Variants in DENND4B observed in about 807,000 individuals in gnomAD.
The protein encoded by DENND4B is DENN domain containing 4B.
In DENND4B, 67 loss-of-function variants were observed where a neutral mutation model predicts 161.0. That is an observed-to-expected ratio of 0.42 (90% CI 0.34 to 0.51). DENND4B has a LOEUF of 0.51. DENND4B is among the 20% of genes least tolerant of loss of function. The probability of loss-of-function intolerance (pLI) is 0.08; values close to 1 mark genes in which losing one functional copy is unlikely to be tolerated. For missense variants in DENND4B, 1,481 were observed against 1,968.0 expected (o/e 0.75, Z 4.68); for synonymous variants, 753 against 813.8 (o/e 0.93, Z 1.27).
Position 153,936,184 on chromosome 1 carries a change from C to G in DENND4B, c.2444G>C (p.Cys815Ser). 1 of 1,604,612 alleles carries G rather than the reference C, an allele frequency of 6.2e-7. No homozygotes were observed. The highest frequency in any genetic ancestry group is 8.5e-7 in the Non-Finnish European group (1 of 1,175,632). Reference protein sequence around the residue: ...SGKVVLPDEVCYRVLMQLCSH... With the variant: ...SGKVVLPDEVSYRVLMQLCSH... ...GCAGAGCTGCATCAGTACCCGGTAA[C>G]ACACCTGGGCCAGGAGAGGCACAGG... Residue 815 changes from cysteine (C) to serine (S), a missense_variant, in exon 17 of 28, where the codon TGT becomes TCT. By Grantham distance (112) the Cys-to-Ser change is moderately radical (BLOSUM62 -1). This residue lies in a region of DENND4B where 806 missense variants were observed against 1,134.4 expected (regional missense o/e 0.71). Transcript: ENST00000361217. This position sits in a 1 kb window ranked among gnomAD's most constrained non-coding sequence, Gnocchi z 4.1.
rs1365759689 is a variant in DENND4B at position 153,940,532 on chromosome 1, G to A, written c.1401C>T (p.Ala467=). 1 of 1,613,620 alleles carries A rather than the reference G, an allele frequency of 6.2e-7. No individual in the cohort carries two copies. The highest frequency in any genetic ancestry group is 8.5e-7 in the Non-Finnish European group (1 of 1,179,730). The change falls in exon 10 of 28, where the codon GCC becomes GCT. Residue 467 remains alanine, a synonymous_variant. Transcript: ENST00000361217. This position sits in a 1 kb window ranked among gnomAD's most constrained non-coding sequence, Gnocchi z 5.6. The stretch of plus-strand genomic sequence containing the variant: ...GGATACCCACAATGAAGGGCACTGG[G>A]GCACTCAGCACATCTGCCAGCACCA... ...CPLVLADVLS[A]PVPFIVGIHS...
chr1:153,942,074 T>C lies in DENND4B; in HGVS notation c.850A>G (p.Arg284Gly). 6.2e-7 allele frequency: 1 copy of C among 1,612,810 alleles called. No individual in the cohort carries two copies. The highest frequency in any genetic ancestry group is 8.5e-7 in the Non-Finnish European group (1 of 1,179,480). The stretch of plus-strand genomic sequence containing the variant: ...GCCTGTCGCTCTGATAGCCTGGCCC[T>C]TGGGAACGCCTCGTAGAACTGCAGG... ...AALQFYEAFPRARLSERQARA... is the reference protein window; with the variant it reads ...AALQFYEAFPGARLSERQARA... The change falls in exon 6 of 28, where the codon AGG becomes GGG. Residue 284 changes from arginine (R) to glycine (G), a missense_variant. Arg to Gly is a moderately radical substitution (Grantham distance 125). Around this residue, in one of 3 missense-constraint regions of DENND4B, gnomAD observed 806 missense variants for 1,134.4 expected, o/e 0.71. Coordinates refer to ENST00000361217, the MANE Select transcript of DENND4B (RefSeq NM_014856.3). This position sits in a 1 kb window ranked among gnomAD's most constrained non-coding sequence, Gnocchi z 6.9.
chr1:153,943,390 AG>A (rs1679783329), intron 2 of DENND4B, among the ~76,000 whole-genome samples: 1 of 152,186 alleles, frequency 6.6e-6, no homozygotes, highest in Admixed American at 6.5e-5. Flanking sequence ...ATAAACACTA[AG>A]GGTCAGCTGG....
intron 1 of DENND4B, chr1:153,945,208 A>G: frequency 1.6e-6 from 2 of 1,283,480 alleles, no homozygotes; most frequent in Non-Finnish European, 2.0e-6. Flanking sequence ...AGAAGCTGGG[A>G]AAAAGCCTGG....
In DENND4B at chr1:153,944,260, G is replaced by C; in HGVS notation, c.115C>G (p.Arg39Gly). The part of the protein sequence containing the change: ...TWVPEPSGPL[R>G]PPRPAEPITD... ...ATGGGCTCAGCTGGCCGGGGAGGGC[G>C]CAGGGGCCCACTGGGTTCAGGAACC... The change falls in exon 2 of 28, where the codon CGC (arginine) becomes GGC (glycine). Residue 39 changes from arginine (R) to glycine (G), a missense_variant. By Grantham distance (125) the Arg-to-Gly change is moderately radical (BLOSUM62 -2). Transcript: ENST00000361217. This position sits in a 1 kb window ranked among gnomAD's most constrained non-coding sequence, Gnocchi z 4.8. The C allele has an allele frequency of 6.3e-7, 1 of 1,599,494 alleles. No homozygotes were observed. Among genetic ancestry groups the C allele is most frequent in the Non-Finnish European group, 8.5e-7 (1 of 1,172,146 alleles).
rs896136715 is a variant in DENND4B, at chr1:153,932,847, C to T, written c.3623+14G>A. 2 of 1,613,852 alleles carry T rather than the reference C, an allele frequency of 1.2e-6. No homozygotes were observed. The highest frequency in any genetic ancestry group is 2.7e-5 in the African/African-American group (2 of 75,058). Reference sequence around the variant, plus strand: ...CCCTATTCCCACCCACAGCACTTGCCCTGCCTTGGGCACCTGGGCCGGGAA... The same window carrying T: ...CCCTATTCCCACCCACAGCACTTGCTCTGCCTTGGGCACCTGGGCCGGGAA... On this transcript the variant is annotated intron_variant, in intron 22 of 27. Coordinates refer to ENST00000361217, the MANE Select transcript of DENND4B (RefSeq NM_014856.3). This position sits in a 1 kb window ranked among gnomAD's most constrained non-coding sequence, Gnocchi z 5.8.
chr1:153,935,072 C>G, intron 17 of DENND4B, 108 bp from the exon 18 acceptor site: 1 of 1,540,988 alleles, frequency 6.5e-7, no homozygotes, highest in African/African-American at 1.3e-5. Context: ...CTGCAGACAT[C>G]CTGTCTAGGA....
rs1259980387 is a variant in DENND4B at position 153,940,615 on chromosome 1, C to T, written c.1327-9G>A. 11 of 1,610,160 alleles carry T rather than the reference C, an allele frequency of 6.8e-6. No homozygotes were observed. The highest frequency in any genetic ancestry group is 9.3e-6 in the Non-Finnish European group (11 of 1,178,220). On this transcript the variant is annotated splice_polypyrimidine_tract_variant and intron_variant, in intron 9 of 27. Transcript: ENST00000361217. The surrounding 1 kb of genome is among the most constrained non-coding windows in gnomAD (Gnocchi z 5.6). ...TGCAGTGGGAAGATCATCTGAAGCA[C>T]CAGGCAGTGAGAACCAGTGAACAGG... is the stretch of plus-strand genomic sequence containing the variant.
At position 153,937,998 on chromosome 1, in the gene DENND4B, A is replaced by G. The variant is rs1296144497; in HGVS notation, c.1966-135T>C. On this transcript the variant is annotated intron_variant, in intron 13 of 27. Transcript: ENST00000361217. This position sits in a 1 kb window ranked among gnomAD's most constrained non-coding sequence, Gnocchi z 4.7. The stretch of plus-strand genomic sequence containing the variant: ...ACAGCCTGGGAAGATGGCGTCAGGA[A>G]CGGGAGGACAGTACATTACATGTAC... The G allele has an allele frequency of 9.5e-6, 12 of 1,268,580 alleles. No homozygotes were observed. The highest frequency in any genetic ancestry group is 2.0e-5 in the Admixed American group (1 of 49,972). The allele number at this position is 1,268,580 out of a possible 1,614,324, so 78.6% of individuals were successfully genotyped here.
Position 153,946,352 on chromosome 1 carries a change from G to T in DENND4B, c.-75C>A, listed in dbSNP as rs1228188051. The T allele has an allele frequency of 2.7e-6, 1 of 374,184 alleles. No homozygotes were observed. The highest frequency in any genetic ancestry group is 2.1e-5 in the African/African-American group (1 of 47,604). The allele number at this position is 374,184 out of a possible 1,614,324, so 23.2% of individuals were successfully genotyped here. A position where few individuals can be genotyped will look rare whatever the true frequency, so the allele number is the denominator to read the frequency against. ...CCCGCTGGCGGGTGGCTCGGAGGGC[G>T]AGCTGGCGGGCCGGCGGGCGGCGGG... On this transcript the variant is annotated 5_prime_UTR_variant, in exon 1 of 28. Transcript: ENST00000361217. This position sits in a 1 kb window ranked among gnomAD's most constrained non-coding sequence, Gnocchi z 6.3.
intron 17 of DENND4B, chr1:153,935,348 C>A (rs752703982): frequency 1.6e-5 from 3 of 188,362 alleles, no homozygotes; most frequent in Non-Finnish European, 3.3e-5. Flanking sequence ...TGCCCATATT[C>A]TTTTTTCTTT....
At chr1:153,935,062 C>T (rs900057042) in intron 17 of DENND4B, 98 bp from the exon 18 acceptor site, 82 of 1,550,022 alleles carry the variant, frequency 5.3e-5, no homozygotes, top group Non-Finnish European at 7.0e-5. Flanking sequence ...CGCCCTTCCC[C>T]TGCAGACATC....
In DENND4B at chr1:153,936,032, A is replaced by G; in HGVS notation, c.2568+28T>C. On this transcript the variant is annotated intron_variant, in intron 17 of 27. Coordinates refer to ENST00000361217, the MANE Select transcript of DENND4B (RefSeq NM_014856.3). This position sits in a 1 kb window ranked among gnomAD's most constrained non-coding sequence, Gnocchi z 4.1. Reference sequence around the variant, plus strand: ...CCTCACACACCCTGGCACAGCTGCCATCCCACCCCTCACCCCAAAGTAGGT... The same window carrying G: ...CCTCACACACCCTGGCACAGCTGCCGTCCCACCCCTCACCCCAAAGTAGGT... The G allele has an allele frequency of 1.2e-6, 2 of 1,611,066 alleles. No individual in the cohort carries two copies. The highest frequency in any genetic ancestry group is 1.7e-6 in the Non-Finnish European group (2 of 1,178,522).
rs1440139561 is a variant in DENND4B at position 153,933,434 on chromosome 1, C to T, written c.3330+49G>A. The T allele has an allele frequency of 6.3e-7, 1 of 1,594,200 alleles. No homozygotes were observed. The highest frequency in any genetic ancestry group is 8.5e-7 in the Non-Finnish European group (1 of 1,170,332). On this transcript the variant is annotated intron_variant, in intron 20 of 27. Transcript: ENST00000361217. This position sits in a 1 kb window ranked among gnomAD's most constrained non-coding sequence, Gnocchi z 5.7. ...GAGCATTCTTCCAGTCGTAGCCCCT[C>T]CCCAAGCCCACTAATGCTAAGGCAT...
chr1:153,945,161 G>A (rs1679892171), intron 1 of DENND4B: 1 of 1,289,554 alleles, frequency 7.8e-7, no homozygotes, highest in Non-Finnish European at 1.0e-6. Context: ...ACCCCGGGGA[G>A]TAGGAGCCCC....
In DENND4B at chr1:153,946,071, G is replaced by C. The variant is rs1679949126; in HGVS notation, c.-24+230C>G. Among the ~76,000 whole-genome samples, 1 of 152,130 alleles carries C rather than the reference G, an allele frequency of 6.6e-6. No individual in the cohort carries two copies. Among genetic ancestry groups the C allele is most frequent in the African/African-American group, 2.4e-5 (1 of 41,434 alleles). ...CGTGACCCAAGCGGGAGGGAGGGCG[G>C]CTCCGACTCCGGCACCCACGGGAGC... On this transcript the variant is annotated intron_variant, in intron 1 of 27. Transcript: ENST00000361217. The surrounding 1 kb of genome is among the most constrained non-coding windows in gnomAD (Gnocchi z 6.3).
At chr1:153,938,782 T>C in intron 13 of DENND4B, 118 bp downstream of exon 13, 1 of 650,976 alleles carries the variant, frequency 1.5e-6, no homozygotes, top group African/African-American at 1.8e-5. Flanking sequence ...AAAATGGCCC[T>C]GGGGTCTACA....
intron 13 of DENND4B, among the ~76,000 whole-genome samples, chr1:153,938,212 C>A (rs1431810259): frequency 6.6e-6 from 1 of 151,708 alleles, no homozygotes. Flanking sequence ...AGTTCGAGAC[C>A]AGCCTGGCCA....
Position 153,932,391 on chromosome 1 carries a change from A to AGGGGGCTCAGGTAT in DENND4B, c.3795_3808dup (p.Leu1270HisfsTer3). 6.2e-7 allele frequency: 1 copy of AGGGGGCTCAGGTAT among 1,613,412 alleles called. No homozygotes were observed. Among genetic ancestry groups the AGGGGGCTCAGGTAT allele is most frequent in the Non-Finnish European group, 8.5e-7 (1 of 1,179,660 alleles). The stretch of plus-strand genomic sequence containing the variant: ...CGACTCCAGCTCCTTACGCAGCACC[A>AGGGGGCTCAGGTAT]GGGGGCTCAGGTATGCCCATGCCCC... On this transcript the variant is annotated stop_gained and frameshift_variant, in exon 24 of 28. Coordinates refer to ENST00000361217, the MANE Select transcript of DENND4B (RefSeq NM_014856.3). LOFTEE classifies it high-confidence loss of function. The surrounding 1 kb of genome is among the most constrained non-coding windows in gnomAD (Gnocchi z 5.8).
Sources: gnomAD v4.1 joint callset for allele counts (sites outside exome capture counted in the v4.1 genomes callset) on GRCh38, gnomAD v4.1.1 for gene constraint, gnomAD v4.1.1 regional missense constraint, Gnocchi (gnomAD v3.1) non-coding constraint, MANE v1.5 for transcripts, NCBI Gene and HGNC (gene_info 2026-07-23, HGNC 2026-07-21) for gene names.